Variants in ZNF571 observed in about 807,000 individuals in gnomAD.
ZNF571 encodes zinc finger protein 571.
ZNF571 carries 4 observed loss-of-function variants against 7.7 expected under a neutral mutation model. The ratio of observed to expected loss-of-function variants is 0.52; its 90% CI spans 0.25 to 1.18. The LOEUF (loss-of-function observed/expected upper bound fraction) is 1.18, where lower values mean the gene tolerates loss of function less well. Ranked by LOEUF, ZNF571 falls within the 50% of genes most tolerant of loss-of-function variation. ZNF571 has a pLI of 0.14. For synonymous variants in ZNF571, 251 were observed against 232.4 expected, an observed-to-expected ratio of 1.08 and a Z score of -0.73; for missense variants, 704 against 726.9, an observed-to-expected ratio of 0.97 and a Z score of 0.36.
At chr19:37,573,563 A>C (rs532956824) in intron 3 of ZNF571, among the ~76,000 whole-genome samples, 11 of 152,124 alleles carry the variant, frequency 7.2e-5, no homozygotes, top group African/African-American at 2.2e-4. Flanking sequence ...GCAGTGGTTC[A>C]CAACTGTAAT....
chr19:37,572,925 C>CG (rs2147169285), intron 3 of ZNF571, among the ~76,000 whole-genome samples: 1 of 59,074 alleles, frequency 1.7e-5, no homozygotes, highest in African/African-American at 7.2e-5. Context: ...CATTGAATGA[C>CG]TTTCAAACTT....
intron 3 of ZNF571, among the ~76,000 whole-genome samples, chr19:37,577,262 G>A (rs1041462719): frequency 2.0e-5 from 3 of 152,038 alleles, no homozygotes; most frequent in Admixed American, 2.0e-4. Context: ...TTTATATGAG[G>A]TAAATCATAA....
In ZNF571 at chr19:37,583,850, G is replaced by A. The variant is rs906872570; in HGVS notation, c.136+121C>T. ...AGATAAAAAGGTACACGGTGGAGCT[G>A]TCCATTTCTACTTCTACTCAAACGT... On this transcript the variant is annotated intron_variant, in intron 3 of 3. Transcript: ENST00000451802. The A allele has an allele frequency of 1.8e-5, 18 of 989,232 alleles. No homozygotes were observed. The African/African-American group carries it at 2.9e-4, about 16-fold the overall frequency. The allele number at this position is 989,232 out of a possible 1,614,324, so 61.3% of individuals were successfully genotyped here.
Position 37,564,527 on chromosome 19 carries a change from G to C in ZNF571, c.*71C>G. Reference sequence around the variant, plus strand: ...ATGAGCAGATTCTGAGCAGAAGCAAGATGTTCTACATTCATTATAGATATG... The same window carrying C: ...ATGAGCAGATTCTGAGCAGAAGCAACATGTTCTACATTCATTATAGATATG... On this transcript the variant is annotated 3_prime_UTR_variant, in exon 4 of 4. Coordinates refer to ENST00000451802, the MANE Select transcript of ZNF571 (RefSeq NM_016536.5). 1 of 1,361,496 alleles carries C rather than the reference G, an allele frequency of 7.3e-7. No individual in the cohort carries two copies. The highest frequency in any genetic ancestry group is 2.4e-5 in the East Asian group (1 of 41,014). The allele number at this position is 1,361,496 out of a possible 1,614,324, so 84.3% of individuals were successfully genotyped here.
intron 3 of ZNF571, among the ~76,000 whole-genome samples, chr19:37,576,518 A>G (rs1331999627): frequency 2.0e-5 from 3 of 152,176 alleles, no homozygotes; most frequent in African/African-American, 7.2e-5. Context: ...TTAACACAAG[A>G]TTGACTAAGT....
chr19:37,565,455 G>A lies in ZNF571; in HGVS notation c.973C>T (p.His325Tyr), dbSNP rs1367314031. 10 of 1,612,672 alleles carry A rather than the reference G, an allele frequency of 6.2e-6. No homozygotes were observed. The highest frequency in any genetic ancestry group is 1.1e-5 in the South Asian group (1 of 90,910). The change falls in exon 4 of 4, where the codon CAT (histidine) becomes TAT (tyrosine). Residue 325 changes from histidine to tyrosine, a missense_variant. Coordinates refer to ENST00000451802, the MANE Select transcript of ZNF571 (RefSeq NM_016536.5). ...TTTTCACCAGTATGAACTCTCTGATGGTATGTAAGGTGTGAACCAAGAATA... is the reference window on the plus strand; with the variant it reads ...TTTTCACCAGTATGAACTCTCTGATAGTATGTAAGGTGTGAACCAAGAATA... ...AFILGSHLTY[H>Y]QRVHTGEKPY... is the part of the protein sequence containing the mutation.
chr19:37,574,608 G>A (rs554408005), intron 3 of ZNF571, among the ~76,000 whole-genome samples: 1 of 151,922 alleles, frequency 6.6e-6, no homozygotes, highest in South Asian at 2.1e-4. Context: ...AACCTTCTAG[G>A]TTTCTTCCCA....
At chr19:37,589,272 G>C (rs1434545967) in intron 1 of ZNF571, among the ~76,000 whole-genome samples, 6 of 150,964 alleles carry the variant, frequency 4.0e-5, no homozygotes, top group African/African-American at 9.7e-5. Context: ...AACTTCAGAG[G>C]GGAAAATTCT....
Position 37,586,689 on chromosome 19 carries a change from C to T in ZNF571, c.-13G>A. The T allele has an allele frequency of 6.2e-7, 1 of 1,614,042 alleles. No individual in the cohort carries two copies. Among genetic ancestry groups the T allele is most frequent in the South Asian group, 1.1e-5 (1 of 91,058 alleles). On this transcript the variant is annotated 5_prime_UTR_variant, in exon 2 of 4. Coordinates refer to ENST00000451802, the MANE Select transcript of ZNF571 (RefSeq NM_016536.5). ...TCACGTGGGGCATGGTTTTTTAGAA[C>T]TGATCAATTTTCTGGGTTCTTCTCC... is the stretch of plus-strand genomic sequence containing the variant.
intron 3 of ZNF571, among the ~76,000 whole-genome samples, chr19:37,578,290 C>G (rs11883392): frequency 0.85 from 129,151 of 152,112 alleles, 55,206 homozygotes; most frequent in African/African-American, 0.95. Flanking sequence ...AACAGAGAGA[C>G]AAGCCAGGCA....
In ZNF571 at chr19:37,565,750, G is replaced by GTT; in HGVS notation, c.676_677dup (p.Asn226LysfsTer126). 6.2e-7 allele frequency: 1 copy of GTT among 1,613,348 alleles called. No homozygotes were observed. The highest frequency in any genetic ancestry group is 8.5e-7 in the Non-Finnish European group (1 of 1,179,834). On this transcript the variant is annotated frameshift_variant, in exon 4 of 4. Transcript: ENST00000451802. LOFTEE classifies it low-confidence loss of function (END_TRUNC). Reference sequence around the variant, plus strand: ...CACGAATAAAAGCTTTCCCACATGCGTTACACTGATAAGGTTTTTCATTAG... The same window carrying GTT: ...CACGAATAAAAGCTTTCCCACATGCGTTTTACACTGATAAGGTTTTTCATTAG...
In ZNF571 at chr19:37,565,907, T is replaced by G. The variant is rs1387186035; in HGVS notation, c.521A>C (p.Asn174Thr). 1.2e-6 allele frequency: 2 copies of G among 1,613,930 alleles called. No homozygotes were observed. Among genetic ancestry groups the G allele is most frequent in the Admixed American group, 3.3e-5 (2 of 59,990 alleles). ...ATAGCTTGGCTTTTTGCTAAAGGTATTCCTGTGTTTCTTAACTTCAGAGCA... is the reference window on the plus strand; with the variant it reads ...ATAGCTTGGCTTTTTGCTAAAGGTAGTCCTGTGTTTCTTAACTTCAGAGCA... ...EKCSEVKKHR[N>T]TFSKKPSYIQ... The change falls in exon 4 of 4, where the codon AAT becomes ACT. Residue 174 changes from asparagine to threonine, a missense_variant. Asn to Thr is a moderately conservative substitution (Grantham distance 65). Coordinates refer to ENST00000451802, the MANE Select transcript of ZNF571 (RefSeq NM_016536.5).
chr19:37,586,914 C>T, intron 1 of ZNF571, 169 bp from the exon 2 acceptor site: 2 of 551,822 alleles, frequency 3.6e-6, no homozygotes, highest in Non-Finnish European at 6.4e-6. Flanking sequence ...CAGACCTTTC[C>T]TTAATGTCCA....
chr19:37,568,571 CTAATA>C (rs1305725169), intron 3 of ZNF571, among the ~76,000 whole-genome samples: 1 of 152,070 alleles, frequency 6.6e-6, no homozygotes, highest in Admixed American at 6.5e-5. Context: ...AAATATTAAT[CTAATA>C]TGATTCTGGG....
Position 37,565,577 on chromosome 19 carries a change from C to CT in ZNF571, c.850_851insA (p.Cys284Ter), listed in dbSNP as rs2042825582. Reference protein sequence around the residue: ...SGEKPYECKDCGKAFILGSQL... With the variant: ...SGEKPYECKD ...AGAGCCAAGAATAAAGGCCTTCCCA[C>CT]AATCCTTACATTCATAGGGTTTTTC... The change falls in exon 4 of 4, where the codon TGT becomes TAGT. Residue 284 changes from cysteine (C) to a stop codon, truncating the protein, a stop_gained and frameshift_variant. Transcript: ENST00000451802. LOFTEE classifies it low-confidence loss of function (END_TRUNC). The CT allele has an allele frequency of 6.2e-7, 1 of 1,613,402 alleles. No homozygotes were observed. Among genetic ancestry groups the CT allele is most frequent in the Admixed American group, 1.7e-5 (1 of 59,928 alleles).
chr19:37,592,452 G>A (rs1484781676), intron 1 of ZNF571, among the ~76,000 whole-genome samples: 1 of 152,196 alleles, frequency 6.6e-6, no homozygotes, highest in East Asian at 1.9e-4. Context: ...TGGCCCTTTG[G>A]AGGACCACAG....
intron 3 of ZNF571, among the ~76,000 whole-genome samples, chr19:37,572,212 C>A (rs1568347298): frequency 9.1e-4 from 1 of 1,096 alleles, no homozygotes; most frequent in Non-Finnish European, 1.7e-3. Context: ...ATAAAACATT[C>A]AGTTGTCAAT....
intron 3 of ZNF571, among the ~76,000 whole-genome samples, chr19:37,572,620 A>G (rs1005483001): frequency 3.3e-5 from 5 of 152,216 alleles, no homozygotes; most frequent in Non-Finnish European, 7.3e-5. Flanking sequence ...ATAAGGGGGA[A>G]CTGCTGTTTT....
At chr19:37,567,534 G>A (rs1231427992) in intron 3 of ZNF571, 1 of 152,132 alleles carries the variant, frequency 6.6e-6, no homozygotes, top group African/African-American at 2.4e-5. Context: ...CTCAAATTGA[G>A]CCACTACTAT....
Sources: gnomAD v4.1 joint callset for allele counts (sites outside exome capture counted in the v4.1 genomes callset) on GRCh38, gnomAD v4.1.1 for gene constraint, MANE v1.5 for transcripts, NCBI Gene and HGNC (gene_info 2026-07-23, HGNC 2026-07-21) for gene names.